Variants in FLT1 observed in about 807,000 individuals in gnomAD.
FLT1 encodes the protein fms related receptor tyrosine kinase 1.
Under a neutral mutation model 156.3 loss-of-function variants are expected in FLT1, and 49 were observed. The ratio of observed to expected loss-of-function variants is 0.31; its 90% CI spans 0.25 to 0.40. FLT1 has a LOEUF of 0.40. Among genes scored for constraint, FLT1 ranks in the 10% least tolerant of loss-of-function variants. The probability of loss-of-function intolerance (pLI) is 1.00; values close to 1 mark genes in which losing one functional copy is unlikely to be tolerated. For synonymous variants in FLT1, 594 were observed against 583.8 expected (o/e 1.02, Z -0.25); for missense variants, 1,322 against 1,637.2 (o/e 0.81, Z 3.32).
intron 10 of FLT1, among the ~76,000 whole-genome samples, chr13:28,416,298 A>T (rs574041793): frequency 1.3e-5 from 2 of 152,302 alleles, no homozygotes; most frequent in Admixed American, 1.3e-4. Flanking sequence ...GCATCTCTTG[A>T]TGTCACCACA....
At position 28,334,052 on chromosome 13, in the gene FLT1, G is replaced by A. The variant is rs368881360; in HGVS notation, c.2566C>T (p.Arg856Trp). The change falls in exon 18 of 30, where the codon CGG (arginine) becomes TGG (tryptophan). Residue 856 changes from arginine (R) to tryptophan (W), a missense_variant. Arg to Trp is a moderately radical substitution (Grantham distance 101). Coordinates refer to ENST00000282397, the MANE Select transcript of FLT1 (RefSeq NM_002019.4). Reference sequence around the variant, plus strand: ...TTCAGCATTTTCACAGCCACAGTCCGGCACGTAGGTGATTTCTTAATGCCA... The same window carrying A: ...TTCAGCATTTTCACAGCCACAGTCCAGCACGTAGGTGATTTCTTAATGCCA... ...AFGIKKSPTC[R>W]TVAVKMLKEG... The A allele has an allele frequency of 3.5e-5, 57 of 1,612,642 alleles. No individual in the cohort carries two copies. Among genetic ancestry groups the A allele is most frequent in the East Asian group, 8.9e-5 (4 of 44,882 alleles).
At chr13:28,412,344 T>TTC (rs1228073178) in intron 10 of FLT1, among the ~76,000 whole-genome samples, 10,259 of 71,944 alleles carry the variant, frequency 0.14, 1,068 homozygotes, top group African/African-American at 0.21. Flanking sequence ...CTTTCTTTCT[T>TTC]TCTTTCTCTT....
chr13:28,462,522 T>C (rs1306271136), intron 3 of FLT1, among the ~76,000 whole-genome samples: 1 of 152,224 alleles, frequency 6.6e-6, no homozygotes, highest in Non-Finnish European at 1.5e-5. Context: ...GTAGCTATAA[T>C]TAGATTCAAT....
intron 15 of FLT1, among the ~76,000 whole-genome samples, chr13:28,353,745 G>A (rs1218797722): frequency 1.3e-5 from 2 of 152,138 alleles, no homozygotes; most frequent in Middle Eastern, 3.4e-3. Context: ...TTCTGTTGTC[G>A]GTTTTGATAT....
chr13:28,337,496 G>C (rs879817877), intron 17 of FLT1, among the ~76,000 whole-genome samples: 1 of 152,168 alleles, frequency 6.6e-6, no homozygotes, highest in Non-Finnish European at 1.5e-5. Context: ...TTGCTCCCAC[G>C]TTAATCAATC....
intron 22 of FLT1, 41 bp from the exon 23 acceptor site, chr13:28,321,626 C>T: frequency 1.2e-6 from 2 of 1,606,546 alleles, no homozygotes; most frequent in Non-Finnish European, 1.7e-6. Context: ...TTTCCTTAAC[C>T]TAACCAACTA....
At chr13:28,456,510 T>C (rs1441111009) in intron 3 of FLT1, among the ~76,000 whole-genome samples, 1 of 151,984 alleles carries the variant, frequency 6.6e-6, no homozygotes, top group African/African-American at 2.4e-5. Context: ...AAGATAAGTG[T>C]TTGCCGGCCG....
chr13:28,405,713 C>G, intron 11 of FLT1, 67 bp downstream of exon 11: 1 of 927,596 alleles, frequency 1.1e-6, no homozygotes, highest in South Asian at 1.3e-5. Flanking sequence ...GCCAATAAAC[C>G]TAGAATTGGG....
At chr13:28,455,776 C>T (rs1566037451) in intron 3 of FLT1, among the ~76,000 whole-genome samples, 1 of 151,832 alleles carries the variant, frequency 6.6e-6, no homozygotes, top group Non-Finnish European at 1.5e-5. Flanking sequence ...ACAAAGAATT[C>T]TTAAAACTCA....
Position 28,366,472 on chromosome 13 carries a change from A to AT in FLT1, c.2117-8788dup, listed in dbSNP as rs11330965. Among the ~76,000 whole-genome samples, 1,186 of 142,510 alleles carry AT rather than the reference A, an allele frequency of 8.3e-3. 11 individuals carry two copies. The highest frequency in any genetic ancestry group is 0.024 in the African/African-American group (928 of 39,032). The allele number at this position is 142,510 out of a possible 152,430, so 93.5% of individuals were successfully genotyped here. A position where few individuals can be genotyped will look rare whatever the true frequency, so the allele number is the denominator to read the frequency against. The stretch of plus-strand genomic sequence containing the variant: ...CTCAGGATTAGCTACTCTGGAAAGC[A>AT]TTTTTTTTTTTTTCGAGATGGAGTT... On this transcript the variant is annotated intron_variant, in intron 14 of 29. Coordinates refer to ENST00000282397, the MANE Select transcript of FLT1 (RefSeq NM_002019.4).
At chr13:28,485,851 T>C (rs1020813970) in intron 1 of FLT1, among the ~76,000 whole-genome samples, 2 of 152,036 alleles carry the variant, frequency 1.3e-5, no homozygotes, top group African/African-American at 2.4e-5. Flanking sequence ...AAAGATCTCA[T>C]GAAGAGGGAG....
intron 3 of FLT1, among the ~76,000 whole-genome samples, chr13:28,448,721 C>A (rs1350804619): frequency 2.6e-5 from 4 of 152,146 alleles, no homozygotes; most frequent in Non-Finnish European, 5.9e-5. Flanking sequence ...ACCACTGAAT[C>A]ATCATTTTAA....
chr13:28,398,929 A>G (rs1875244107), intron 11 of FLT1: 6 of 746,442 alleles, frequency 8.0e-6, no homozygotes, highest in South Asian at 4.6e-5. Flanking sequence ...AAAGTGTACG[A>G]AAGAGAGCTC....
At chr13:28,357,868 C>CTTTTTTTTTTTTTTTTTTTTTT (rs57304530) in intron 14 of FLT1, among the ~76,000 whole-genome samples, 183 bp from the exon 15 acceptor site, 10 of 104,724 alleles carry the variant, frequency 9.5e-5, no homozygotes, top group African/African-American at 3.3e-4. Flanking sequence ...CTTTTCTTTC[C>CTTTTTTTTTTTTTTTTTTTTTT]TTTTTTTTTT....
At chr13:28,397,921 C>T (rs1468934016) in intron 11 of FLT1, among the ~76,000 whole-genome samples, 2 of 151,632 alleles carry the variant, frequency 1.3e-5, no homozygotes, top group Admixed American at 1.3e-4. Context: ...CAACTTAGTC[C>T]CTAAAGAAAC....
chr13:28,405,091 T>C (rs889136701), intron 11 of FLT1, among the ~76,000 whole-genome samples: 1 of 151,770 alleles, frequency 6.6e-6, no homozygotes, highest in Non-Finnish European at 1.5e-5. Flanking sequence ...TTTAAGTGTA[T>C]TCTTTACTAA....
intron 14 of FLT1, among the ~76,000 whole-genome samples, chr13:28,384,396 C>T (rs1213727891): frequency 2.0e-5 from 3 of 148,242 alleles, no homozygotes; most frequent in African/African-American, 7.6e-5. Flanking sequence ...TTGCAGTGAG[C>T]CAAGATGGTG....
Position 28,416,497 on chromosome 13 carries a change from G to T in FLT1, c.1437-10603C>A, listed in dbSNP as rs1328196811. 5.9e-5 allele frequency among the ~76,000 whole-genome samples: 9 copies of T among 152,166 alleles called. 1 individual carries two copies. The highest frequency in any genetic ancestry group is 5.9e-4 in the Admixed American group (9 of 15,278). Reference sequence around the variant, plus strand: ...AAAGCTGCTCACTTTCAGGCTCTTTGACATGTTAACCAGGACTAGTGTCCT... The same window carrying T: ...AAAGCTGCTCACTTTCAGGCTCTTTTACATGTTAACCAGGACTAGTGTCCT... On this transcript the variant is annotated intron_variant, in intron 10 of 29. Coordinates refer to ENST00000282397, the MANE Select transcript of FLT1 (RefSeq NM_002019.4).
intron 19 of FLT1, 141 bp from the exon 20 acceptor site, chr13:28,327,691 G>A: frequency 1.5e-6 from 1 of 662,596 alleles, no homozygotes; most frequent in Non-Finnish European, 2.8e-6. Flanking sequence ...GGGATGAGAG[G>A]CCCATGAATA....
Sources: gnomAD v4.1 joint callset for allele counts (sites outside exome capture counted in the v4.1 genomes callset) on GRCh38, gnomAD v4.1.1 for gene constraint, MANE v1.5 for transcripts, NCBI Gene and HGNC (gene_info 2026-07-23, HGNC 2026-07-21) for gene names.